EIF3D: variants seen among roughly 807,000 people sequenced by gnomAD.
EIF3D encodes eukaryotic translation initiation factor 3 subunit D, also known as eIF3 p66.
In EIF3D, 10 loss-of-function variants were observed where a neutral mutation model predicts 75.4. The ratio of observed to expected loss-of-function variants is 0.13; its 90% confidence interval spans 0.08 to 0.22. The LOEUF (loss-of-function observed/expected upper bound fraction) is 0.22, where lower values mean the gene tolerates loss of function less well. Ranked by LOEUF, EIF3D falls within the 10% of genes least tolerant of loss-of-function variation. The probability of loss-of-function intolerance (pLI) is 1.00; values close to 1 mark genes in which losing one functional copy is unlikely to be tolerated. For synonymous variants in EIF3D, 246 were observed against 248.3 expected (o/e 0.99, Z 0.09); for missense variants, 394 against 708.0 (o/e 0.56, Z 5.03).
At chr22:36,511,110 C>T in intron 14 of EIF3D, 110 bp from the exon 15 acceptor site, 1 of 1,357,050 alleles carries the variant, frequency 7.4e-7, no homozygotes, top group Non-Finnish European at 1.0e-6. Flanking sequence ...CACTTCCATT[C>T]CGAAGTTAAG....
intron 7 of EIF3D, among the ~76,000 whole-genome samples, chr22:36,520,246 T>C (rs1284973022): frequency 6.6e-6 from 1 of 151,682 alleles, no homozygotes; most frequent in East Asian, 1.9e-4. Context: ...AACCTCCACC[T>C]CCAGGGTTTA....
chr22:36,522,634 C>T (rs1934531592), intron 6 of EIF3D, among the ~76,000 whole-genome samples: 1 of 152,076 alleles, frequency 6.6e-6, no homozygotes, highest in South Asian at 2.1e-4. Context: ...AAAACAGATT[C>T]ATAGCTGCCT....
intron 3 of EIF3D, among the ~76,000 whole-genome samples, chr22:36,525,237 T>TA (rs1279591345): frequency 7.5e-5 from 10 of 133,286 alleles, no homozygotes; most frequent in African/African-American, 2.0e-4. Context: ...CCAGGGGTTT[T>TA]ACTTTTTTTT....
At chr22:36,526,410 T>G (rs1934600587) in intron 1 of EIF3D, among the ~76,000 whole-genome samples, 1 of 152,210 alleles carries the variant, frequency 6.6e-6, no homozygotes, top group Non-Finnish European at 1.5e-5. Flanking sequence ...GGCTGCACCT[T>G]GTGTTTGACA....
rs1603498241 is a variant in EIF3D at position 36,511,774 on chromosome 22, C to T, written c.1362G>A (p.Arg454=). The part of the protein sequence containing the change: ...SEYLKLGYVS[R]YHVKDSSRHV... ...GGCGTGAGGAGTCTTTCACGTGGTA[C>T]CGAGACACATAACTAACAGGGGAAG... is the stretch of plus-strand genomic sequence containing the variant. The change falls in exon 14 of 15, where the codon CGG becomes CGA. Residue 454 remains arginine, a synonymous_variant. Transcript: ENST00000216190. 3 of 1,612,592 alleles carry T rather than the reference C, an allele frequency of 1.9e-6. No individual in the cohort carries two copies. The highest frequency in any genetic ancestry group is 2.2e-5 in the East Asian group (1 of 44,842).
chr22:36,515,098 T>C (rs764831342), intron 12 of EIF3D, among the ~76,000 whole-genome samples: 1 of 152,230 alleles, frequency 6.6e-6, no homozygotes, highest in Non-Finnish European at 1.5e-5. Context: ...CCTGCAGAAC[T>C]GTGAGCCAAT....
At position 36,519,489 on chromosome 22, in the gene EIF3D, G is replaced by A. The variant is rs369261452; in HGVS notation, c.627C>T (p.Ile209=). The change falls in exon 8 of 15, where the codon ATC becomes ATT. Residue 209 remains isoleucine, a synonymous_variant. Transcript: ENST00000216190. ...GCAGTGGCTTCTCACTCCTCGTGGT[G>A]ATGCGGTCAAAGGCTTTGTCGTAGT... ...LEYYDKAFDR[I]TTRSEKPLRS... The A allele has an allele frequency of 2.1e-5, 34 of 1,614,080 alleles. No individual in the cohort carries two copies. The South Asian group carries it at 3.0e-4, about 14-fold the overall frequency.
chr22:36,521,837 T>G (rs1244153442), intron 6 of EIF3D, among the ~76,000 whole-genome samples: 2 of 150,002 alleles, frequency 1.3e-5, no homozygotes. Context: ...CCTGGGAGGC[T>G]GAGGTGTGAG....
At chr22:36,523,116 G>T in intron 6 of EIF3D, 93 bp downstream of exon 6, 1 of 1,012,056 alleles carries the variant, frequency 9.9e-7, no homozygotes, top group Non-Finnish European at 1.6e-6. Flanking sequence ...AAATTGTACG[G>T]TATGTGAAGT....
intron 1 of EIF3D, 70 bp downstream of exon 1, chr22:36,529,006 C>A (rs1049882652): frequency 8.8e-6 from 3 of 340,604 alleles, no homozygotes; most frequent in Non-Finnish European, 1.6e-5. Context: ...TCCGGGAGGC[C>A]CCCCGAAGGC....
intron 12 of EIF3D, chr22:36,516,027 T>C (rs62230001): frequency 0.026 from 3,943 of 154,464 alleles, 86 homozygotes; most frequent in Non-Finnish European, 0.04. Flanking sequence ...AAATGAGGAA[T>C]TGCAAAAAAT....
chr22:36,528,761 T>C (rs1004462942), intron 1 of EIF3D: 1 of 152,678 alleles, frequency 6.5e-6, no homozygotes, highest in Non-Finnish European at 1.5e-5. Flanking sequence ...TCAGGGAGTT[T>C]TCGGCCACTT....
At chr22:36,516,664 G>C (rs1324852708) in intron 11 of EIF3D, 41 bp downstream of exon 11, 1 of 1,614,058 alleles carries the variant, frequency 6.2e-7, no homozygotes, top group African/African-American at 1.3e-5. Context: ...TGGGGCCCGT[G>C]CTCCAGTCTG....
chr22:36,519,801 A>G (rs1439745203), intron 7 of EIF3D, among the ~76,000 whole-genome samples: 1 of 152,168 alleles, frequency 6.6e-6, no homozygotes. Flanking sequence ...GGAGATGACT[A>G]GTTATAGAAG....
chr22:36,511,504 TTCTTCTTCC>T lies in EIF3D; in HGVS notation c.1623_1631del (p.Glu544_Glu546del), dbSNP rs1287363329. ...CTCAGAAAGTGGGCTGCTACACACC[TTCTTCTTCC>T]TCTTCTTCCTCCTCCTCTTCCTCCT... is the stretch of plus-strand genomic sequence containing the variant. On this transcript the variant is annotated inframe_deletion and splice_region_variant, in exon 14 of 15. Transcript: ENST00000216190. 5.6e-6 allele frequency: 9 copies of T among 1,613,884 alleles called. No homozygotes were observed. The highest frequency in any genetic ancestry group is 2.2e-5 in the East Asian group (1 of 44,882).
At chr22:36,521,229 T>C (rs1934507686) in intron 6 of EIF3D, among the ~76,000 whole-genome samples, 1 of 147,206 alleles carries the variant, frequency 6.8e-6, no homozygotes, top group Non-Finnish European at 1.5e-5. Flanking sequence ...AAAGAGCTTT[T>C]ATTCAATAAA....
chr22:36,519,361 C>T, intron 8 of EIF3D, 44 bp downstream of exon 8: 10 of 1,611,362 alleles, frequency 6.2e-6, no homozygotes, highest in Non-Finnish European at 8.5e-6. Flanking sequence ...TAGAAGCCGA[C>T]AGCATTCCTA....
Position 36,525,995 on chromosome 22 carries a change from G to GT in EIF3D, c.123+3dup. 1 of 1,608,656 alleles carries GT rather than the reference G, an allele frequency of 6.2e-7. No individual in the cohort carries two copies. On this transcript the variant is annotated splice_donor_region_variant and intron_variant, in intron 2 of 14. Coordinates refer to ENST00000216190, the MANE Select transcript of EIF3D (RefSeq NM_003753.4). ...GATTCAGACTCCTGCTGACAGGCAT[G>GT]TACCTTTCCTAGCCGATCTCCTTTG...
At chr22:36,524,186 T>C (rs1348059441) in intron 4 of EIF3D, among the ~76,000 whole-genome samples, 1 of 152,188 alleles carries the variant, frequency 6.6e-6, no homozygotes, top group Non-Finnish European at 1.5e-5. Flanking sequence ...ACTCCCATGA[T>C]ATATTTTTCA....
Sources: gnomAD v4.1 joint callset for allele counts (sites outside exome capture counted in the v4.1 genomes callset) on GRCh38, gnomAD v4.1.1 for gene constraint, MANE v1.5 for transcripts, NCBI Gene and HGNC (gene_info 2026-07-23, HGNC 2026-07-21) for gene names.